Variants in EVA1C observed in about 807,000 individuals in gnomAD.
EVA1C encodes eva-1 homolog C.
In EVA1C, 25 loss-of-function variants were observed where a neutral mutation model predicts 45.4. That is an observed-to-expected ratio of 0.55 (90% CI 0.40 to 0.77). EVA1C has a LOEUF of 0.77. Among genes scored for constraint, EVA1C ranks in the 30% least tolerant of loss-of-function variants. The probability of loss-of-function intolerance (pLI) is 0.00; values close to 1 mark genes in which losing one functional copy is unlikely to be tolerated. For missense variants in EVA1C, 479 were observed against 554.8 expected, an observed-to-expected ratio of 0.86 and a Z score of 1.37; for synonymous variants, 190 against 221.2, an observed-to-expected ratio of 0.86 and a Z score of 1.25.
intron 1 of EVA1C, among the ~76,000 whole-genome samples, chr21:32,431,131 C>T (rs1230862425): frequency 1.3e-5 from 2 of 152,224 alleles, no homozygotes; most frequent in Non-Finnish European, 2.9e-5. Context: ...CACAGCCACA[C>T]CATATCAGTT....
At chr21:32,495,652 T>C (rs2037328798) in intron 5 of EVA1C, among the ~76,000 whole-genome samples, 1 of 152,246 alleles carries the variant, frequency 6.6e-6, no homozygotes, top group Non-Finnish European at 1.5e-5. Context: ...ACAGATCAAA[T>C]GCTTACCCTA....
intron 7 of EVA1C, among the ~76,000 whole-genome samples, chr21:32,508,481 C>T (rs2037846192): frequency 6.6e-6 from 1 of 152,174 alleles, no homozygotes; most frequent in Non-Finnish European, 1.5e-5. Context: ...AAGAGAAACA[C>T]AAAAACACGC....
chr21:32,459,063 A>G (rs2035898855), intron 3 of EVA1C, among the ~76,000 whole-genome samples: 2 of 152,072 alleles, frequency 1.3e-5, no homozygotes, highest in African/African-American at 4.8e-5. Context: ...CTAACACAGC[A>G]CACGCAAAGG....
At chr21:32,495,857 G>A (rs1403387662) in intron 5 of EVA1C, among the ~76,000 whole-genome samples, 3 of 152,074 alleles carry the variant, frequency 2.0e-5, no homozygotes, top group Admixed American at 6.6e-5. Flanking sequence ...TCTTTTTGTT[G>A]GAAATGAGCA....
chr21:32,431,012 A>C (rs2034681092), intron 1 of EVA1C, among the ~76,000 whole-genome samples: 1 of 150,068 alleles, frequency 6.7e-6, no homozygotes, highest in Non-Finnish European at 1.5e-5. Flanking sequence ...ATTCAACGTC[A>C]TGAGAACAGC....
intron 4 of EVA1C, among the ~76,000 whole-genome samples, chr21:32,480,519 G>A (rs532015858): frequency 1.0e-3 from 153 of 152,192 alleles, no homozygotes; most frequent in African/African-American, 3.5e-3. Context: ...GCATGTCCCA[G>A]GCTAGGTGAC....
At chr21:32,496,334 A>C (rs2037352157) in intron 5 of EVA1C, among the ~76,000 whole-genome samples, 1 of 152,170 alleles carries the variant, frequency 6.6e-6, no homozygotes, top group African/African-American at 2.4e-5. Flanking sequence ...TCAGTACTTT[A>C]TTTCTTTTTG....
chr21:32,488,203 C>T (rs1267407847), intron 4 of EVA1C, among the ~76,000 whole-genome samples: 1 of 152,116 alleles, frequency 6.6e-6, no homozygotes, highest in African/African-American at 2.4e-5. Flanking sequence ...AAAAAGAGGG[C>T]AAAGGACCTG....
intron 5 of EVA1C, among the ~76,000 whole-genome samples, chr21:32,498,375 A>G (rs2037420400): frequency 6.8e-6 from 1 of 146,252 alleles, no homozygotes; most frequent in South Asian, 2.3e-4. Context: ...TGAACCTGGG[A>G]GGCGGAGTTG....
At chr21:32,454,032 C>A (rs759161606) in intron 2 of EVA1C, among the ~76,000 whole-genome samples, 3 of 152,144 alleles carry the variant, frequency 2.0e-5, no homozygotes, top group Non-Finnish European at 1.5e-5. Flanking sequence ...AGTTCAAGAC[C>A]AGCCTGGCCA....
chr21:32,495,579 T>G (rs1417720459), intron 5 of EVA1C, among the ~76,000 whole-genome samples: 1 of 152,178 alleles, frequency 6.6e-6, no homozygotes, highest in Non-Finnish European at 1.5e-5. Flanking sequence ...TTTTAGGCCC[T>G]AAATGACTAA....
chr21:32,478,057 C>T (rs1481448748), intron 4 of EVA1C, among the ~76,000 whole-genome samples: 2 of 147,866 alleles, frequency 1.4e-5, no homozygotes, highest in African/African-American at 2.5e-5. Flanking sequence ...GCTGCACAAA[C>T]GCACGAATTC....
chr21:32,429,069 G>A (rs567256297), intron 1 of EVA1C, among the ~76,000 whole-genome samples: 4 of 152,106 alleles, frequency 2.6e-5, no homozygotes, highest in Admixed American at 1.3e-4. Flanking sequence ...CGCCCAGAGC[G>A]AGATTGTCGC....
At chr21:32,421,290 G>A (rs188729254) in intron 1 of EVA1C, among the ~76,000 whole-genome samples, 15 of 152,276 alleles carry the variant, frequency 9.9e-5, no homozygotes, top group East Asian at 7.7e-4. Flanking sequence ...GAGCGCAGGC[G>A]ATAAGGAGTG....
At chr21:32,425,537 T>C (rs908173515) in intron 1 of EVA1C, among the ~76,000 whole-genome samples, 3 of 152,082 alleles carry the variant, frequency 2.0e-5, no homozygotes, top group Non-Finnish European at 4.4e-5. Flanking sequence ...ACTAAGGCTT[T>C]GAGGCAAAAG....
intron 1 of EVA1C, among the ~76,000 whole-genome samples, chr21:32,440,746 A>G (rs2035144034): frequency 6.6e-6 from 1 of 152,144 alleles, no homozygotes; most frequent in Non-Finnish European, 1.5e-5. Flanking sequence ...CTACTACTCA[A>G]TTATTCACTT....
At chr21:32,449,341 C>A (rs1286092412) in intron 1 of EVA1C, among the ~76,000 whole-genome samples, 1 of 152,202 alleles carries the variant, frequency 6.6e-6, no homozygotes, top group Non-Finnish European at 1.5e-5. Context: ...AGTTGCAATG[C>A]CCAAAAAGTC....
At chr21:32,414,635 C>G (rs1450070768) in intron 1 of EVA1C, among the ~76,000 whole-genome samples, 1 of 152,186 alleles carries the variant, frequency 6.6e-6, no homozygotes, top group Admixed American at 6.5e-5. Flanking sequence ...CTGTTACATA[C>G]AGTGGAGTTG....
rs113612895 is a variant in EVA1C, at chr21:32,508,875, C to A, written c.949+4860C>A. On this transcript the variant is annotated intron_variant, in intron 7 of 7. Transcript: ENST00000300255. ...GTCCCCCTTCAGAGGCTCCCATGGG[C>A]ATGCAACAGCTGATCAAATTAAAGT... Among the ~76,000 whole-genome samples, 597 of 152,264 alleles carry A rather than the reference C, an allele frequency of 3.9e-3. 7 individuals carry two copies. Among genetic ancestry groups the A allele is most frequent in the African/African-American group, 0.013 (557 of 41,544 alleles).
Sources: gnomAD v4.1 joint callset for allele counts (sites outside exome capture counted in the v4.1 genomes callset) on GRCh38, gnomAD v4.1.1 for gene constraint, MANE v1.5 for transcripts, NCBI Gene and HGNC (gene_info 2026-07-23, HGNC 2026-07-21) for gene names.